The following MYO15A variants were observed in gnomAD, a reference collection of about 807,000 sequenced individuals.
The protein encoded by MYO15A is unconventional myosin-XV.
MYO15A carries 308 observed loss-of-function variants against 394.6 expected under a neutral mutation model. The observed-to-expected ratio is 0.78, with a 90% confidence interval of 0.71 to 0.86. The LOEUF (loss-of-function observed/expected upper bound fraction) is 0.86, where lower values mean the gene tolerates loss of function less well. Ranked by LOEUF, MYO15A falls within the 40% of genes least tolerant of loss-of-function variation. MYO15A has a pLI of 0.00. For missense variants in MYO15A, 4,606 were observed against 4,799.1 expected (o/e 0.96, Z 1.19); for synonymous variants, 1,957 against 2,003.8 (o/e 0.98, Z 0.62).
chr17:18,114,908 G>C (rs1345947486), intron 1 of MYO15A, among the ~76,000 whole-genome samples: 1 of 152,102 alleles, frequency 6.6e-6, no homozygotes, highest in Non-Finnish European at 1.5e-5. Context: ...ATCCTCCAGA[G>C]CTGTGGCTTC....
At position 18,119,766 on chromosome 17, in the gene MYO15A, C is replaced by A. The variant is rs769905110; in HGVS notation, c.966C>A (p.Tyr322Ter). The A allele has an allele frequency of 6.2e-7, 1 of 1,612,992 alleles. No homozygotes were observed. Among genetic ancestry groups the A allele is most frequent in the East Asian group, 2.2e-5 (1 of 44,870 alleles). The change falls in exon 2 of 66, where the codon TAC becomes TAA. Residue 322 changes from tyrosine to a stop codon, truncating the protein, a stop_gained. Coordinates refer to ENST00000647165, the MANE Select transcript of MYO15A (RefSeq NM_016239.4). LOFTEE classifies it high-confidence loss of function. Reference sequence around the variant, plus strand: ...CCCCATATGCGCCCCCGTCGGGGTACTCGTCTCCTTACAGCTACCACGATG... The same window carrying A: ...CCCCATATGCGCCCCCGTCGGGGTAATCGTCTCCTTACAGCTACCACGATG... ...YEPPYAPPSG[Y>*]SSPYSYHDGY...
In MYO15A at chr17:18,119,662, G is replaced by A. The variant is rs1450367594; in HGVS notation, c.862G>A (p.Asp288Asn). The A allele has an allele frequency of 4.4e-6, 7 of 1,605,118 alleles. No individual in the cohort carries two copies. The Admixed American group carries it at 5.0e-5, about 11-fold the overall frequency. The change falls in exon 2 of 66, where the codon GAC becomes AAC. Residue 288 changes from aspartate to asparagine, a missense_variant. This residue lies in a region of MYO15A where 1,830 missense variants were observed against 1,689.7 expected (regional missense o/e 1.08). Coordinates refer to ENST00000647165, the MANE Select transcript of MYO15A (RefSeq NM_016239.4). ...YYGYPPEDPY[D>N]YYHPDYYGGP... ...CGGGTACCCGCCCGAGGATCCCTAC[G>A]ACTACTACCACCCCGACTATTACGG...
At position 18,151,070 on chromosome 17, in the gene MYO15A, A is replaced by G. The variant is rs963954955; in HGVS notation, c.7474-40A>G. ...CTGGAGTCCCAGAGAGCAGCCTGGT[A>G]TATCCCAGGCAGCCCACCCTCACGT... On this transcript the variant is annotated intron_variant, in intron 38 of 65. Coordinates refer to ENST00000647165, the MANE Select transcript of MYO15A (RefSeq NM_016239.4). The G allele has an allele frequency of 2.5e-6, 4 of 1,612,872 alleles. No individual in the cohort carries two copies. In the African/African-American group the frequency reaches 4.0e-5, roughly 16 times the overall value.
At position 18,135,656 on chromosome 17, in the gene MYO15A, A is replaced by G. The variant is rs1236029530; in HGVS notation, c.4483-55A>G. 3.2e-6 allele frequency: 5 copies of G among 1,549,502 alleles called. No individual in the cohort carries two copies. In the East Asian group the frequency reaches 6.8e-5, roughly 21 times the overall value. The stretch of plus-strand genomic sequence containing the variant: ...GTGCCCGGCCCTGTTTTTCATATGA[A>G]CTTTAAATTTAGCCTATCTAGTTCA... On this transcript the variant is annotated intron_variant, in intron 12 of 65. Transcript: ENST00000647165.
At chr17:18,109,313 T>A (rs528509900) in intron 1 of MYO15A, 1 of 153,238 alleles carries the variant, frequency 6.5e-6, no homozygotes, top group African/African-American at 2.4e-5. Flanking sequence ...CAGTGAGGGC[T>A]CAGGTGAGAG....
At chr17:18,124,857 C>A (rs1003807906) in intron 3 of MYO15A, 1 of 585,250 alleles carries the variant, frequency 1.7e-6, no homozygotes, top group Non-Finnish European at 3.0e-6. Context: ...GTGAGGATGC[C>A]AGCACATTGG....
intron 4 of MYO15A, chr17:18,125,536 T>TAA: frequency 4.0e-6 from 1 of 247,058 alleles, no homozygotes; most frequent in South Asian, 4.1e-5. Context: ...CTACTAAAAA[T>TAA]ACAAAAAAAA....
At chr17:18,124,655 C>A in intron 3 of MYO15A, 90 bp downstream of exon 3, 1 of 1,244,628 alleles carries the variant, frequency 8.0e-7, no homozygotes, top group Non-Finnish European at 1.1e-6. Context: ...AGTTGCCTCT[C>A]ACCTCCCAGG....
intron 61 of MYO15A, among the ~76,000 whole-genome samples, chr17:18,167,030 G>A (rs1323052834): frequency 6.6e-6 from 1 of 152,202 alleles, no homozygotes; most frequent in Non-Finnish European, 1.5e-5. Context: ...GTGTGTTTTT[G>A]TGGAACTGGT....
chr17:18,119,500 G>T lies in MYO15A; in HGVS notation c.700G>T (p.Glu234Ter). ...YGLEGFQDLG[E>*]YYDYHRDGDD... is the part of the protein sequence containing the mutation. ...GCTTGAGGGCTTCCAGGACCTGGGC[G>T]AGTATTATGACTATCACCGCGACGG... Residue 234 changes from glutamate to a stop codon, truncating the protein, a stop_gained, in exon 2 of 66, where the codon GAG (glutamate) becomes TAG (stop). Transcript: ENST00000647165. LOFTEE classifies it high-confidence loss of function. 6.8e-6 allele frequency: 11 copies of T among 1,612,394 alleles called. No individual in the cohort carries two copies. The highest frequency in any genetic ancestry group is 9.3e-6 in the Non-Finnish European group (11 of 1,179,988).
At position 18,120,335 on chromosome 17, in the gene MYO15A, A is replaced by T; in HGVS notation, c.1535A>T (p.Glu512Val). ...DIPLPLGDADEEEDEEELPPV... is the reference protein window; with the variant it reads ...DIPLPLGDADVEEDEEELPPV... Reference sequence around the variant, plus strand: ...CCTCTCCCCTTGGGGGATGCGGACGAAGAAGAGGACGAGGAGGAGCTGCCC... The same window carrying T: ...CCTCTCCCCTTGGGGGATGCGGACGTAGAAGAGGACGAGGAGGAGCTGCCC... Residue 512 changes from glutamate (E) to valine (V), a missense_variant, in exon 2 of 66, where the codon GAA becomes GTA. Glu to Val is a moderately radical substitution (Grantham distance 121, BLOSUM62 -2). Transcript: ENST00000647165. 6.2e-7 allele frequency: 1 copy of T among 1,612,270 alleles called. No individual in the cohort carries two copies. The highest frequency in any genetic ancestry group is 8.5e-7 in the Non-Finnish European group (1 of 1,179,958).
At chr17:18,141,968 C>A in intron 23 of MYO15A, 111 bp from the exon 24 acceptor site, 2 of 1,410,950 alleles carry the variant, frequency 1.4e-6, no homozygotes, top group Non-Finnish European at 2.0e-6. Context: ...TCCAGCCCCG[C>A]TCCAGGAGGC....
Position 18,138,066 on chromosome 17 carries a change from G to A in MYO15A, c.4876-49G>A, listed in dbSNP as rs770798537. On this transcript the variant is annotated intron_variant, in intron 16 of 65. Transcript: ENST00000647165. ...TCAACATGGGAGGGAGGGTGGGTGGGCCCTGGACAGGGATGGGAGGTTGAG... is the reference window on the plus strand; with the variant it reads ...TCAACATGGGAGGGAGGGTGGGTGGACCCTGGACAGGGATGGGAGGTTGAG... 15 of 558,826 alleles carry A rather than the reference G, an allele frequency of 2.7e-5. No homozygotes were observed. In the Admixed American group the frequency reaches 3.5e-4, roughly 13 times the overall value. The allele number at this position is 558,826 out of a possible 1,614,324, so 34.6% of individuals were successfully genotyped here.
rs1322694891 is a variant in MYO15A at position 18,148,707 on chromosome 17, G to T, written c.6765-54G>T. 12 of 1,556,154 alleles carry T rather than the reference G, an allele frequency of 7.7e-6. No homozygotes were observed. Among genetic ancestry groups the T allele is most frequent in the Admixed American group, 1.9e-5 (1 of 52,288 alleles). ...GGCTTATAACCCAGGATCTCCCCAG[G>T]TAGTGCCTGATGACTCTGTCCCTCA... is the stretch of plus-strand genomic sequence containing the variant. On this transcript the variant is annotated intron_variant, in intron 32 of 65. Coordinates refer to ENST00000647165, the MANE Select transcript of MYO15A (RefSeq NM_016239.4). This position sits in a 1 kb window ranked among gnomAD's most constrained non-coding sequence, Gnocchi z 4.8.
intron 2 of MYO15A, chr17:18,122,639 C>T: frequency 1.6e-6 from 1 of 619,658 alleles, no homozygotes; most frequent in Non-Finnish European, 2.7e-6. Flanking sequence ...TGGGAAACTG[C>T]TTCCAGGTCA....
Position 18,146,108 on chromosome 17 carries a change from G to T in MYO15A, c.6509+1G>T, listed in dbSNP as rs2142355370. On this transcript the variant is annotated splice_donor_variant, in intron 30 of 65. Transcript: ENST00000647165. LOFTEE classifies it high-confidence loss of function. Reference sequence around the variant, plus strand: ...CGTGCTTCAACAAGTACCTTCTCAAGTGAGTGGGACTGGATAGGGGCTGGG... The same window carrying T: ...CGTGCTTCAACAAGTACCTTCTCAATTGAGTGGGACTGGATAGGGGCTGGG... 6.2e-7 allele frequency: 1 copy of T among 1,613,788 alleles called. No homozygotes were observed. The highest frequency in any genetic ancestry group is 8.5e-7 in the Non-Finnish European group (1 of 1,179,960).
chr17:18,122,180 T>C lies in MYO15A; in HGVS notation c.3380T>C (p.Phe1127Ser). 1.2e-6 allele frequency: 2 copies of C among 1,613,094 alleles called. No homozygotes were observed. Among genetic ancestry groups the C allele is most frequent in the Non-Finnish European group, 1.7e-6 (2 of 1,180,008 alleles). Residue 1127 changes from phenylalanine (F) to serine (S), a missense_variant, in exon 2 of 66, where the codon TTC becomes TCC. Physicochemically the swap from Phe to Ser is radical, Grantham distance 155. Transcript: ENST00000647165. ...CCTCGTGTGCAGAAGCTGAGCTCTTTCCAGCGAGTTGGGCCTGCAACCCTG... is the reference window on the plus strand; with the variant it reads ...CCTCGTGTGCAGAAGCTGAGCTCTTCCCAGCGAGTTGGGCCTGCAACCCTG... ...VMPRVQKLSS[F>S]QRVGPATLKP...
Position 18,156,187 on chromosome 17 carries a change from T to G in MYO15A, c.8460-8T>G, listed in dbSNP as rs1353084626. ...GCAGGGGAGTCATGCCACCGGCCCA[T>G]CCTCCAGCTTTGCAGATATCCTGTT... On this transcript the variant is annotated splice_polypyrimidine_tract_variant and splice_region_variant and intron_variant, in intron 47 of 65. Transcript: ENST00000647165. 6.2e-7 allele frequency: 1 copy of G among 1,613,976 alleles called. No individual in the cohort carries two copies. Among genetic ancestry groups the G allele is most frequent in the Non-Finnish European group, 8.5e-7 (1 of 1,179,916 alleles).
intron 12 of MYO15A, 22 bp from the exon 13 acceptor site, chr17:18,135,689 T>C (rs1183255498): frequency 6.2e-7 from 1 of 1,607,076 alleles, no homozygotes; most frequent in Non-Finnish European, 8.5e-7. Context: ...TCAAAGCACA[T>C]TCCTGTTGGT....
Sources: gnomAD v4.1 joint callset for allele counts (sites outside exome capture counted in the v4.1 genomes callset) on GRCh38, gnomAD v4.1.1 for gene constraint, gnomAD v4.1.1 regional missense constraint, Gnocchi (gnomAD v3.1) non-coding constraint, MANE v1.5 for transcripts, NCBI Gene and HGNC (gene_info 2026-07-23, HGNC 2026-07-21) for gene names.